DPH1: variants seen among roughly 807,000 people sequenced by gnomAD.
The protein encoded by DPH1 is diphthamide biosynthesis 1, also known as 2-(3-amino-3-carboxypropyl)histidine synthase subunit 1.
A neutral mutation model predicts 55.3 loss-of-function variants in DPH1; 59 were observed. The observed-to-expected ratio is 1.07, with a 90% CI of 0.87 to 1.33. The LOEUF is 1.33. Among genes scored for constraint, DPH1 ranks in the 40% most tolerant of loss-of-function variants. The pLI is 0.00. For missense variants in DPH1, 628 were observed against 584.8 expected, an observed-to-expected ratio of 1.07 and a Z score of -0.76; for synonymous variants, 238 against 235.5, an observed-to-expected ratio of 1.01 and a Z score of -0.10.
At position 2,036,891 on chromosome 17, in the gene DPH1, C is replaced by T. The variant is rs1413963465; in HGVS notation, c.615C>T (p.Pro205=). ...EYRVSVPQCK[P]LSPGEILGCT... is the part of the protein sequence containing the mutation. ...GTGTGAGTGTCCCACAGTGCAAGCCCCTGTCCCCTGGAGAGATCCTGGGCT... is the reference window on the plus strand; with the variant it reads ...GTGTGAGTGTCCCACAGTGCAAGCCTCTGTCCCCTGGAGAGATCCTGGGCT... The change falls in exon 6 of 13, where the codon CCC becomes CCT. Residue 205 remains proline, a synonymous_variant. Coordinates refer to ENST00000263083, the MANE Select transcript of DPH1 (RefSeq NM_001383.6). This position sits in a 1 kb window ranked among gnomAD's most constrained non-coding sequence, Gnocchi z 4.8. 2 of 1,613,754 alleles carry T rather than the reference C, an allele frequency of 1.2e-6. No individual in the cohort carries two copies. Among genetic ancestry groups the T allele is most frequent in the African/African-American group, 2.7e-5 (2 of 74,916 alleles).
At chr17:2,041,270 C>T (rs1260892001) in intron 10 of DPH1, 89 bp downstream of exon 10, 26 of 1,501,876 alleles carry the variant, frequency 1.7e-5, no homozygotes, top group East Asian at 4.9e-5. Flanking sequence ...GGCAGCACTT[C>T]GTTATGTTCG....
intron 9 of DPH1, 127 bp downstream of exon 9, chr17:2,040,732 C>T: frequency 8.9e-7 from 1 of 1,117,896 alleles, no homozygotes; most frequent in Non-Finnish European, 1.3e-6. Context: ...TTACAGAGAC[C>T]TCCCTGGGAG....
intron 12 of DPH1, 43 bp downstream of exon 12, chr17:2,041,918 T>C: frequency 6.5e-7 from 1 of 1,540,392 alleles, no homozygotes; most frequent in Non-Finnish European, 8.7e-7. Flanking sequence ...TTTGCCGTTG[T>C]CATGGGAACG....
Position 2,041,115 on chromosome 17 carries a change from G to A in DPH1, c.1020G>A (p.Val340=), listed in dbSNP as rs764884949. 5.0e-6 allele frequency: 8 copies of A among 1,602,584 alleles called. No individual in the cohort carries two copies. The highest frequency in any genetic ancestry group is 6.0e-6 in the Non-Finnish European group (7 of 1,174,572). ...CTTCCCTTCCCAGGTGGGTGCAGGT[G>A]GCATGTCCACGTCTCTCCATTGACT... is the stretch of plus-strand genomic sequence containing the variant. ...LLPEVDVWVQ[V]ACPRLSIDWG... The change falls in exon 10 of 13, where the codon GTG becomes GTA. Residue 340 remains valine (V), a synonymous_variant. Transcript: ENST00000263083.
intron 1 of DPH1, among the ~76,000 whole-genome samples, chr17:2,032,273 C>T (rs1165178077): frequency 2.6e-5 from 4 of 152,048 alleles, no homozygotes; most frequent in African/African-American, 4.8e-5. Context: ...TTAGGTTTTC[C>T]GCAGGGCTGT....
chr17:2,041,807 T>G lies in DPH1; in HGVS notation c.1267T>G (p.Cys423Gly), dbSNP rs768567235. ...CGCGCGTCCCCCTTCGGCCGTGGCT[T>G]GCGAGGACTGCAGCTGCAGGGACGA... ...GSARPPSAVA[C>G]EDCSCRDEKV... is the part of the protein sequence containing the mutation. The change falls in exon 12 of 13, where the codon TGC becomes GGC. Residue 423 changes from cysteine (C) to glycine (G), a missense_variant. Coordinates refer to ENST00000263083, the MANE Select transcript of DPH1 (RefSeq NM_001383.6). 1 of 1,606,698 alleles carries G rather than the reference T, an allele frequency of 6.2e-7. No homozygotes were observed. Among genetic ancestry groups the G allele is most frequent in the Non-Finnish European group, 8.5e-7 (1 of 1,177,400 alleles).
chr17:2,043,353 A>T lies in DPH1; in HGVS notation c.*767A>T. On this transcript the variant is annotated 3_prime_UTR_variant, in exon 13 of 13. Transcript: ENST00000263083. ...CATGAATATGGTTGGAGAGCCCTGG[A>T]TTAGGAGGGTGACATGGGGAAGGCA... 1 of 473,426 alleles carries T rather than the reference A, an allele frequency of 2.1e-6. No homozygotes were observed. The highest frequency in any genetic ancestry group is 3.7e-6 in the Non-Finnish European group (1 of 269,740). The allele number at this position is 473,426 out of a possible 1,614,324, so 29.3% of individuals were successfully genotyped here. A position where few individuals can be genotyped will look rare whatever the true frequency, so the allele number is the denominator to read the frequency against.
chr17:2,036,130 G>C lies in DPH1; in HGVS notation c.400+39G>C. On this transcript the variant is annotated intron_variant, in intron 4 of 12. Transcript: ENST00000263083. The surrounding 1 kb of genome is among the most constrained non-coding windows in gnomAD (Gnocchi z 4.8). ...AGGACACCTGGACGGTGGCGGGGCT[G>C]GCAGGGAGGCAGGCTGCACATTCAT... 6.2e-7 allele frequency: 1 copy of C among 1,608,138 alleles called. No homozygotes were observed. The highest frequency in any genetic ancestry group is 1.1e-5 in the South Asian group (1 of 90,588).
chr17:2,030,386 T>C (rs1165003812), intron 1 of DPH1, among the ~76,000 whole-genome samples, 156 bp downstream of exon 1: 2 of 152,176 alleles, frequency 1.3e-5, no homozygotes, highest in Admixed American at 1.3e-4. Context: ...TCGGGGTCGC[T>C]GTCAGCCGGA....
chr17:2,042,981 T>C lies in DPH1; in HGVS notation c.*395T>C, dbSNP rs537387783. 17 of 1,613,940 alleles carry C rather than the reference T, an allele frequency of 1.1e-5. No individual in the cohort carries two copies. The African/African-American group carries it at 1.7e-4, about 16-fold the overall frequency. ...ACAAAGTCATCCCCTCTCAGGAGAG[T>C]GTGCAACTGGCCAGCCAATTTCCCG... On this transcript the variant is annotated 3_prime_UTR_variant, in exon 13 of 13. Transcript: ENST00000263083.
chr17:2,033,536 G>A lies in DPH1; in HGVS notation c.93G>A (p.Gln31=). ...GRAPRGRVAN[Q]IPPEILKNPQ... ...CCCCTCGGGGCCGCGTGGCCAATCA[G>A]ATCCCCCCTGAGATCCTGAAGAACC... Residue 31 remains glutamine (Q), a synonymous_variant, in exon 2 of 13, where the codon CAG becomes CAA. Transcript: ENST00000263083. 1 of 1,614,188 alleles carries A rather than the reference G, an allele frequency of 6.2e-7. No individual in the cohort carries two copies. Among genetic ancestry groups the A allele is most frequent in the Non-Finnish European group, 8.5e-7 (1 of 1,180,026 alleles).
chr17:2,035,688 C>G (rs1186416354), intron 3 of DPH1, among the ~76,000 whole-genome samples: 1 of 152,100 alleles, frequency 6.6e-6, no homozygotes, highest in African/African-American at 2.4e-5. Flanking sequence ...TTTGACCCCA[C>G]GTGTGCCGGA....
At chr17:2,040,705 T>C in intron 9 of DPH1, 100 bp downstream of exon 9, 1 of 1,362,510 alleles carries the variant, frequency 7.3e-7, no homozygotes, top group Admixed American at 1.8e-5. Context: ...GCTTCCATGG[T>C]CATGGAATTT....
chr17:2,030,588 A>G (rs1270012871), intron 1 of DPH1, among the ~76,000 whole-genome samples: 1 of 152,196 alleles, frequency 6.6e-6, no homozygotes, highest in Non-Finnish European at 1.5e-5. Context: ...GGGAAGAGGC[A>G]AAAGGTTTCA....
Position 2,033,764 on chromosome 17 carries a change from C to CA in DPH1, c.215-15_215-14insA, listed in dbSNP as rs2067363968. On this transcript the variant is annotated splice_polypyrimidine_tract_variant and intron_variant, in intron 2 of 12. Transcript: ENST00000263083. ...TCCTAGCCCTCCACCTCTCATGTCT[C>CA]TGCTCGTCTTGCAGTGGCCTTGCAA... 1 of 1,614,134 alleles carries CA rather than the reference C, an allele frequency of 6.2e-7. No homozygotes were observed. The highest frequency in any genetic ancestry group is 1.3e-5 in the African/African-American group (1 of 74,950).
Position 2,040,254 on chromosome 17 carries a change from C to CT in DPH1, c.787dup (p.Tyr263LeufsTer2). ...ATAGCAAAGTCCTATCCAGAGAACACTATGACCACCAGCGCATGCAGGCTG... is the reference window on the plus strand; with the variant it reads ...ATAGCAAAGTCCTATCCAGAGAACACTTATGACCACCAGCGCATGCAGGCTG... On this transcript the variant is annotated frameshift_variant, in exon 8 of 13. Transcript: ENST00000263083. LOFTEE classifies it high-confidence loss of function. 1 of 1,614,104 alleles carries CT rather than the reference C, an allele frequency of 6.2e-7. No homozygotes were observed. Among genetic ancestry groups the CT allele is most frequent in the Non-Finnish European group, 8.5e-7 (1 of 1,180,040 alleles).
chr17:2,037,737 A>G (rs900696439), intron 6 of DPH1, among the ~76,000 whole-genome samples: 1 of 152,216 alleles, frequency 6.6e-6, no homozygotes, highest in African/African-American at 2.4e-5. Context: ...CAGGCAGGTT[A>G]TCTTCCACGC....
At chr17:2,035,866 T>TA (rs1420953944) in intron 3 of DPH1, 104 bp from the exon 4 acceptor site, 1 of 1,522,488 alleles carries the variant, frequency 6.6e-7, no homozygotes, top group Non-Finnish European at 8.9e-7. Flanking sequence ...CTGGGAGAGG[T>TA]AGGGAGAGAG....
chr17:2,042,958 A>AAAG lies in DPH1; in HGVS notation c.*373_*375dup. 1.2e-6 allele frequency: 2 copies of AAAG among 1,614,114 alleles called. No homozygotes were observed. Among genetic ancestry groups the AAAG allele is most frequent in the South Asian group, 2.2e-5 (2 of 91,084 alleles). On this transcript the variant is annotated 3_prime_UTR_variant, in exon 13 of 13. Transcript: ENST00000263083. The stretch of plus-strand genomic sequence containing the variant: ...GCTCCATGTTTTTGGGGACACTGAC[A>AAAG]AAGTCATCCCCTCTCAGGAGAGTGT...
Sources: allele counts gnomAD v4.1 joint callset (sites outside exome capture counted in the v4.1 genomes callset), GRCh38; gene constraint gnomAD v4.1.1; non-coding constraint Gnocchi (gnomAD v3.1); transcripts MANE v1.5; gene names NCBI Gene and HGNC (gene_info 2026-07-23, HGNC 2026-07-21).